Variants in VPS51 observed in about 807,000 individuals in gnomAD.
VPS51 encodes vacuolar protein sorting-associated protein 51 homolog.
In VPS51, 55 loss-of-function variants were observed where a neutral mutation model predicts 65.1. The ratio of observed to expected loss-of-function variants is 0.84; its 90% CI spans 0.68 to 1.06. The LOEUF (loss-of-function observed/expected upper bound fraction) is 1.06. VPS51 is among the 50% of genes least tolerant of loss of function. The pLI is 0.00. For missense variants in VPS51, 943 were observed against 1,101.6 expected (o/e 0.86, Z 2.04); for synonymous variants, 473 against 489.5 (o/e 0.97, Z 0.44).
chr11:65,111,560 G>A lies in VPS51; in HGVS notation c.2322G>A (p.Val774=), dbSNP rs996078943. ...ACCCTGTGCCCATGGAGCCCAGTGT[G>A]GTTGAGGTCATCTGCGAGCGCGGCT... is the stretch of plus-strand genomic sequence containing the variant. ...CPDPVPMEPS[V]VEVICERG is the part of the protein sequence containing the mutation. Residue 774 remains valine (V), a synonymous_variant, in exon 10 of 10, where the codon GTG becomes GTA. Transcript: ENST00000279281. 5 of 1,610,828 alleles carry A rather than the reference G, an allele frequency of 3.1e-6. No individual in the cohort carries two copies.
Position 65,111,624 on chromosome 11 carries a change from C to A in VPS51, c.*37C>A. 1 of 1,566,060 alleles carries A rather than the reference C, an allele frequency of 6.4e-7. No homozygotes were observed. The highest frequency in any genetic ancestry group is 8.6e-7 in the Non-Finnish European group (1 of 1,158,974). ...GCCATGCACCGGTCTGTCCCTGCAC[C>A]CCATGGCACCCAGGATCTGGTCTCG... On this transcript the variant is annotated 3_prime_UTR_variant, in exon 10 of 10. Coordinates refer to ENST00000279281, the MANE Select transcript of VPS51 (RefSeq NM_013265.4).
At chr11:65,097,292 A>G in intron 2 of VPS51, 165 bp downstream of exon 2, 2 of 1,047,064 alleles carry the variant, frequency 1.9e-6, no homozygotes, top group East Asian at 2.6e-5. Context: ...TTGTCAGACT[A>G]CTATAGAGAT....
At chr11:65,104,132 T>C (rs1347915937) in intron 2 of VPS51, among the ~76,000 whole-genome samples, 2 of 152,204 alleles carry the variant, frequency 1.3e-5, no homozygotes, top group Non-Finnish European at 2.9e-5. Context: ...TTTTACCATG[T>C]TGGCCAGGCT....
chr11:65,100,093 A>C (rs1947798140), intron 2 of VPS51, among the ~76,000 whole-genome samples: 1 of 152,148 alleles, frequency 6.6e-6, no homozygotes, highest in Non-Finnish European at 1.5e-5. Flanking sequence ...ACAGAGCGAG[A>C]CTCCGTCTCA....
rs978686697 is a variant in VPS51, at chr11:65,096,461, G to A, written c.211G>A (p.Glu71Lys). 3.6e-6 allele frequency: 5 copies of A among 1,398,936 alleles called. No homozygotes were observed. The highest frequency in any genetic ancestry group is 1.5e-5 in the African/African-American group (1 of 66,384). The allele number at this position is 1,398,936 out of a possible 1,614,324, so 86.7% of individuals were successfully genotyped here. A position where few individuals can be genotyped will look rare whatever the true frequency, so the allele number is the denominator to read the frequency against. The change falls in exon 1 of 10, where the codon GAA (glutamate) becomes AAA (lysine). Residue 71 changes from glutamate to lysine, a missense_variant. Transcript: ENST00000279281. ...TCTGAACGGGGCGCACTTCGACCCG[G>A]AAGTTTACCTAGACAAGGTGTGTGC... is the stretch of plus-strand genomic sequence containing the variant. ...TDLNGAHFDP[E>K]VYLDKLRREC...
rs1947871564 is a variant in VPS51 at position 65,109,353 on chromosome 11, A to G, written c.1517A>G (p.Gln506Arg). ...GTCCACTCTATGTGCCAGACGGCTC[A>G]GAGCTTCTGCGACAGCCCTGGGGAG... is the stretch of plus-strand genomic sequence containing the variant. ...GFVHSMCQTA[Q>R]SFCDSPGEKG... The change falls in exon 6 of 10, where the codon CAG (glutamine) becomes CGG (arginine). Residue 506 changes from glutamine to arginine, a missense_variant. Coordinates refer to ENST00000279281, the MANE Select transcript of VPS51 (RefSeq NM_013265.4). 2 of 1,613,462 alleles carry G rather than the reference A, an allele frequency of 1.2e-6. No homozygotes were observed. Among genetic ancestry groups the G allele is most frequent in the South Asian group, 2.2e-5 (2 of 91,092 alleles).
rs902917752 is a variant in VPS51 at position 65,102,109 on chromosome 11, C to T, written c.358+4982C>T. Among the ~76,000 whole-genome samples the T allele has an allele frequency of 5.9e-5, 9 of 151,646 alleles. 1 individual carries two copies. The highest frequency in any genetic ancestry group is 4.2e-4 in the South Asian group (2 of 4,806). ...ATCGGCTCACTGCAACCTCCGCCTC[C>T]GGGGTTCAAGTGATTCTCCTGTCTT... On this transcript the variant is annotated intron_variant, in intron 2 of 9. Transcript: ENST00000279281.
chr11:65,102,028 T>C (rs1021886397), intron 2 of VPS51, among the ~76,000 whole-genome samples: 19 of 148,328 alleles, frequency 1.3e-4, no homozygotes, highest in Non-Finnish European at 2.8e-4. Context: ...TTTTTTTTTT[T>C]TTTTTTTTTG....
Position 65,108,533 on chromosome 11 carries a change from G to A in VPS51, c.1062G>A (p.Arg354=), listed in dbSNP as rs1377321859. ...LGSRYFALVE[R]RLAQEQGGGD... ...GCCGCTATTTTGCGCTGGTGGAGCG[G>A]CGGCTGGCGCAGGAGCAGGGTGGTG... Residue 354 remains arginine, a synonymous_variant, in exon 5 of 10, where the codon CGG becomes CGA. Coordinates refer to ENST00000279281, the MANE Select transcript of VPS51 (RefSeq NM_013265.4). 6.3e-7 allele frequency: 1 copy of A among 1,585,050 alleles called. No individual in the cohort carries two copies. Among genetic ancestry groups the A allele is most frequent in the Admixed American group, 1.8e-5 (1 of 56,904 alleles).
chr11:65,106,527 G>A (rs1037476156), intron 2 of VPS51, among the ~76,000 whole-genome samples: 3 of 152,102 alleles, frequency 2.0e-5, no homozygotes, highest in African/African-American at 4.8e-5. Flanking sequence ...CAAGGTGGGC[G>A]GATCATGAGG....
At chr11:65,110,441 CCT>C (rs748949926) in intron 7 of VPS51, 39 bp from the exon 8 acceptor site, 15 of 1,613,266 alleles carry the variant, frequency 9.3e-6, no homozygotes, top group Admixed American at 6.7e-5. Context: ...GGTGGTTTCC[CCT>C]GACTCGGGCC....
chr11:65,103,761 CA>C (rs1322249126), intron 2 of VPS51, among the ~76,000 whole-genome samples: 1 of 152,080 alleles, frequency 6.6e-6, no homozygotes, highest in African/African-American at 2.4e-5. Context: ...TAGATATTTC[CA>C]GATTCTTCTT....
intron 2 of VPS51, among the ~76,000 whole-genome samples, chr11:65,103,285 A>G (rs1400986848): frequency 1.3e-5 from 2 of 152,180 alleles, no homozygotes; most frequent in Non-Finnish European, 2.9e-5. Context: ...CCCCAACAAA[A>G]TGCAGGCAAT....
Position 65,109,849 on chromosome 11 carries a change from A to G in VPS51, c.1804A>G (p.Ser602Gly). Residue 602 changes from serine to glycine, a missense_variant, in exon 7 of 10, where the codon AGC becomes GGC. This residue lies in a region of VPS51 where 855 missense variants were observed against 953.7 expected (regional missense o/e 0.90). Transcript: ENST00000279281. ...RKSVETRDWL[S>G]TLEPRNVRAV... is the part of the protein sequence containing the mutation. Reference sequence around the variant, plus strand: ...GAGCGTGGAGACTCGCGACTGGCTCAGCACTCTGGAGCCCCGGAATGTGCG... The same window carrying G: ...GAGCGTGGAGACTCGCGACTGGCTCGGCACTCTGGAGCCCCGGAATGTGCG... 1 of 1,611,990 alleles carries G rather than the reference A, an allele frequency of 6.2e-7. No homozygotes were observed. The highest frequency in any genetic ancestry group is 8.5e-7 in the Non-Finnish European group (1 of 1,179,642).
chr11:65,104,133 TG>T (rs1947827121), intron 2 of VPS51, among the ~76,000 whole-genome samples: 1 of 152,196 alleles, frequency 6.6e-6, no homozygotes, highest in African/African-American at 2.4e-5. Context: ...TTTACCATGT[TG>T]GCCAGGCTGG....
intron 1 of VPS51, 175 bp from the exon 2 acceptor site, chr11:65,096,823 T>G (rs2137177788): frequency 1.1e-6 from 1 of 924,354 alleles, no homozygotes; most frequent in Middle Eastern, 3.5e-4. Flanking sequence ...TTGAACCTAG[T>G]AACCCCTGAG....
chr11:65,096,574 T>A, intron 1 of VPS51, 96 bp downstream of exon 1: 1 of 1,147,210 alleles, frequency 8.7e-7, no homozygotes, highest in Non-Finnish European at 1.2e-6. Flanking sequence ...CGACTTTTTG[T>A]GAGGTTCAGG....
chr11:65,107,437 G>C lies in VPS51; in HGVS notation c.359-144G>C. ...CGCCCCCATGTGCGCTGTGACCCAC[G>C]CCCTCGCAGTCCTTTCTCTGGAATC... On this transcript the variant is annotated intron_variant, in intron 2 of 9. Transcript: ENST00000279281. This position sits in a 1 kb window ranked among gnomAD's most constrained non-coding sequence, Gnocchi z 4.0. 2.1e-5 allele frequency: 18 copies of C among 845,200 alleles called. No homozygotes were observed. The highest frequency in any genetic ancestry group is 2.9e-5 in the Non-Finnish European group (16 of 555,600). 52.4% of individuals were successfully genotyped at this position (845,200 alleles called of 1,614,324 possible). A position where few individuals can be genotyped will look rare whatever the true frequency, so the allele number is the denominator to read the frequency against.
At chr11:65,105,118 G>T (rs981259541) in intron 2 of VPS51, among the ~76,000 whole-genome samples, 1 of 151,734 alleles carries the variant, frequency 6.6e-6, no homozygotes, top group Non-Finnish European at 1.5e-5. Context: ...AGGTTTTTTC[G>T]ACTGGGCACG....
Sources: allele counts gnomAD v4.1 joint callset (sites outside exome capture counted in the v4.1 genomes callset), GRCh38; gene constraint gnomAD v4.1.1; regional missense constraint gnomAD v4.1.1; non-coding constraint Gnocchi (gnomAD v3.1); transcripts MANE v1.5; gene names NCBI Gene and HGNC (gene_info 2026-07-23, HGNC 2026-07-21).